The following GPR45 variants were observed in gnomAD, a reference collection of about 807,000 sequenced individuals.
GPR45 encodes the protein G protein-coupled receptor 45, also known as probable G protein-coupled receptor 45.
GPR45 carries 7 observed loss-of-function variants against 5.9 expected under a neutral mutation model. The observed-to-expected ratio is 1.19, with a 90% CI of 0.68 to 2.23. GPR45 has a LOEUF of 2.23. GPR45 is among the 30% of genes most tolerant of loss of function. The pLI, the probability that GPR45 is intolerant of heterozygous loss-of-function variation, is 0.00. For synonymous variants in GPR45, 220 were observed against 226.3 expected (o/e 0.97, Z 0.25); for missense variants, 440 against 496.9 (o/e 0.89, Z 1.09).
Position 105,242,602 on chromosome 2 carries a change from C to G in GPR45, c.744C>G (p.Arg248=). ...AGCTCACCAGGGCGGGCCTGCGGCG[C>G]CTGCAGCGGCAGCAACAGGTCAGCG... ...LRQLTRAGLR[R]LQRQQQVSVD... is the part of the protein sequence containing the mutation. Residue 248 remains arginine, a synonymous_variant, in exon 1 of 1, where the codon CGC becomes CGG. Coordinates refer to ENST00000258456, the MANE Select transcript of GPR45 (RefSeq NM_007227.3). This position sits in a 1 kb window ranked among gnomAD's most constrained non-coding sequence, Gnocchi z 4.8. 1 of 1,609,196 alleles carries G rather than the reference C, an allele frequency of 6.2e-7. No individual in the cohort carries two copies. Among genetic ancestry groups the G allele is most frequent in the African/African-American group, 1.3e-5 (1 of 74,998 alleles).
chr2:105,243,094 C>A lies in GPR45; in HGVS notation c.*117C>A. The A allele has an allele frequency of 1.5e-6, 2 of 1,302,386 alleles. No homozygotes were observed. The highest frequency in any genetic ancestry group is 2.1e-6 in the Non-Finnish European group (2 of 949,744). 80.7% of individuals were successfully genotyped at this position (1,302,386 alleles called of 1,614,324 possible). Reference sequence around the variant, plus strand: ...GCACTTTGTGGTGGCAATTTAAGCACAAAGGTACTCATTTGTAATCAGATG... The same window carrying A: ...GCACTTTGTGGTGGCAATTTAAGCAAAAAGGTACTCATTTGTAATCAGATG... On this transcript the variant is annotated 3_prime_UTR_variant, in exon 1 of 1. Coordinates refer to ENST00000258456, the MANE Select transcript of GPR45 (RefSeq NM_007227.3).
rs776540232 is a variant in GPR45 at position 105,242,350 on chromosome 2, G to T, written c.492G>T (p.Gly164=). The change falls in exon 1 of 1, where the codon GGG becomes GGT. Residue 164 remains glycine (G), a synonymous_variant. Coordinates refer to ENST00000258456, the MANE Select transcript of GPR45 (RefSeq NM_007227.3). This position sits in a 1 kb window ranked among gnomAD's most constrained non-coding sequence, Gnocchi z 4.8. Reference sequence around the variant, plus strand: ...GGGTGCTGTCCTTCTGCATCGCGGGGCCCTCGCTCACGGGCTGGACGCTGG... The same window carrying T: ...GGGTGCTGTCCTTCTGCATCGCGGGTCCCTCGCTCACGGGCTGGACGCTGG... ...VSWVLSFCIA[G]PSLTGWTLVE... 6 of 1,613,544 alleles carry T rather than the reference G, an allele frequency of 3.7e-6. No homozygotes were observed. In the South Asian group the frequency reaches 5.5e-5, roughly 15 times the overall value.
chr2:105,243,052 C>A lies in GPR45; in HGVS notation c.*75C>A. Reference sequence around the variant, plus strand: ...GGATCTGTCCTGCTCTGTTCCCTGGCATGTTGGTCATAGTCTGCACTTTGT... The same window carrying A: ...GGATCTGTCCTGCTCTGTTCCCTGGAATGTTGGTCATAGTCTGCACTTTGT... On this transcript the variant is annotated 3_prime_UTR_variant, in exon 1 of 1. Coordinates refer to ENST00000258456, the MANE Select transcript of GPR45 (RefSeq NM_007227.3). 1 of 1,514,890 alleles carries A rather than the reference C, an allele frequency of 6.6e-7. No individual in the cohort carries two copies. The allele number at this position is 1,514,890 out of a possible 1,614,324, so 93.8% of individuals were successfully genotyped here. A position where few individuals can be genotyped will look rare whatever the true frequency, so the allele number is the denominator to read the frequency against.
At position 105,242,634 on chromosome 2, in the gene GPR45, T is replaced by C. The variant is rs774366129; in HGVS notation, c.776T>C (p.Leu259Ser). Residue 259 changes from leucine (L) to serine (S), a missense_variant, in exon 1 of 1, where the codon TTG (leucine) becomes TCG (serine). Transcript: ENST00000258456. The surrounding 1 kb of genome is among the most constrained non-coding windows in gnomAD (Gnocchi z 4.8). ...CGGCAGCAACAGGTCAGCGTGGACT[T>C]GAGCTTCAAGACCAAGGCCTTCACC... ...LQRQQQVSVD[L>S]SFKTKAFTTI... 2 of 1,603,032 alleles carry C rather than the reference T, an allele frequency of 1.2e-6. No individual in the cohort carries two copies. The highest frequency in any genetic ancestry group is 3.4e-5 in the Admixed American group (2 of 59,572).
Position 105,242,645 on chromosome 2 carries a change from AC to A in GPR45, c.789del (p.Lys264ArgfsTer7), listed in dbSNP as rs1240039336. On this transcript the variant is annotated frameshift_variant, in exon 1 of 1. Transcript: ENST00000258456. LOFTEE classifies it high-confidence loss of function. This position sits in a 1 kb window ranked among gnomAD's most constrained non-coding sequence, Gnocchi z 4.8. ...QQVSVDLSFK[T>X]KAFTTILILF... ...GGTCAGCGTGGACTTGAGCTTCAAG[AC>A]CAAGGCCTTCACCACCATCCTGATC... 1 of 1,600,496 alleles carries A rather than the reference AC, an allele frequency of 6.2e-7. No individual in the cohort carries two copies. Among genetic ancestry groups the A allele is most frequent in the African/African-American group, 1.3e-5 (1 of 74,728 alleles).
Position 105,242,040 on chromosome 2 carries a change from A to G in GPR45, c.182A>G (p.Gln61Arg). Residue 61 changes from glutamine to arginine, a missense_variant, in exon 1 of 1, where the codon CAG becomes CGG. By Grantham distance (43) the Gln-to-Arg change is conservative. Coordinates refer to ENST00000258456, the MANE Select transcript of GPR45 (RefSeq NM_007227.3). This position sits in a 1 kb window ranked among gnomAD's most constrained non-coding sequence, Gnocchi z 4.8. ...GNTVVCIIVY[Q>R]RPAMRSAINL... ...ACTGTGGTCTGCATCATCGTGTACC[A>G]GAGGCCGGCTATGCGCTCGGCCATC... The G allele has an allele frequency of 6.2e-7, 1 of 1,614,132 alleles. No homozygotes were observed. Among genetic ancestry groups the G allele is most frequent in the Non-Finnish European group, 8.5e-7 (1 of 1,179,986 alleles).
At position 105,242,435 on chromosome 2, in the gene GPR45, C is replaced by G; in HGVS notation, c.577C>G (p.Arg193Gly). The G allele has an allele frequency of 6.2e-7, 1 of 1,609,614 alleles. No homozygotes were observed. Among genetic ancestry groups the G allele is most frequent in the Non-Finnish European group, 8.5e-7 (1 of 1,179,740 alleles). The change falls in exon 1 of 1, where the codon CGC becomes GGC. Residue 193 changes from arginine (R) to glycine (G), a missense_variant. Coordinates refer to ENST00000258456, the MANE Select transcript of GPR45 (RefSeq NM_007227.3). The surrounding 1 kb of genome is among the most constrained non-coding windows in gnomAD (Gnocchi z 4.8). ...VLGYTELPAD[R>G]AYVVTLVVAV... ...GGGCTACACGGAGCTCCCCGCTGACCGCGCCTACGTGGTCACCTTGGTGGT... is the reference window on the plus strand; with the variant it reads ...GGGCTACACGGAGCTCCCCGCTGACGGCGCCTACGTGGTCACCTTGGTGGT...
rs1375320359 is a variant in GPR45 at position 105,242,917 on chromosome 2, C to T, written c.1059C>T (p.Ile353=). 6.2e-7 allele frequency: 1 copy of T among 1,614,096 alleles called. No individual in the cohort carries two copies. Among genetic ancestry groups the T allele is most frequent in the African/African-American group, 1.3e-5 (1 of 74,938 alleles). Residue 353 remains isoleucine, a synonymous_variant, in exon 1 of 1, where the codon ATC becomes ATT. Transcript: ENST00000258456. The surrounding 1 kb of genome is among the most constrained non-coding windows in gnomAD (Gnocchi z 4.8). ...FQILPKVPER[I]RRRIQPSTVY... ...TCCTCCCCAAAGTGCCTGAGCGGAT[C>T]CGAAGGAGAATCCAGCCAAGCACAG...
At position 105,242,071 on chromosome 2, in the gene GPR45, G is replaced by A. The variant is rs748884384; in HGVS notation, c.213G>A (p.Leu71=). The change falls in exon 1 of 1, where the codon CTG becomes CTA. Residue 71 remains leucine, a synonymous_variant. Coordinates refer to ENST00000258456, the MANE Select transcript of GPR45 (RefSeq NM_007227.3). The surrounding 1 kb of genome is among the most constrained non-coding windows in gnomAD (Gnocchi z 4.8). ...QRPAMRSAIN[L]LLATLAFSDI... The stretch of plus-strand genomic sequence containing the variant: ...CGGCTATGCGCTCGGCCATCAACCT[G>A]CTGCTGGCCACCCTGGCCTTCTCCG... The A allele has an allele frequency of 5.6e-6, 9 of 1,614,078 alleles. No homozygotes were observed. The highest frequency in any genetic ancestry group is 8.5e-7 in the Non-Finnish European group (1 of 1,180,042).
rs772276043 is a variant in GPR45 at position 105,242,344 on chromosome 2, C to T, written c.486C>T (p.Ile162=). 2.5e-6 allele frequency: 4 copies of T among 1,613,656 alleles called. No individual in the cohort carries two copies. The highest frequency in any genetic ancestry group is 2.2e-5 in the South Asian group (2 of 91,070). The change falls in exon 1 of 1, where the codon ATC becomes ATT. Residue 162 remains isoleucine (I), a synonymous_variant. Coordinates refer to ENST00000258456, the MANE Select transcript of GPR45 (RefSeq NM_007227.3). This position sits in a 1 kb window ranked among gnomAD's most constrained non-coding sequence, Gnocchi z 4.8. The part of the protein sequence containing the change: ...IAVSWVLSFC[I]AGPSLTGWTL... ...TCTCCTGGGTGCTGTCCTTCTGCAT[C>T]GCGGGGCCCTCGCTCACGGGCTGGA...
In GPR45 at chr2:105,242,237, A is replaced by G. The variant is rs554225455; in HGVS notation, c.379A>G (p.Ile127Val). 1.9e-6 allele frequency: 3 copies of G among 1,614,132 alleles called. 1 individual carries two copies. In the East Asian group the frequency reaches 6.7e-5, roughly 36 times the overall value. The change falls in exon 1 of 1, where the codon ATC becomes GTC. Residue 127 changes from isoleucine to valine, a missense_variant. Ile to Val is a conservative substitution (Grantham distance 29). Coordinates refer to ENST00000258456, the MANE Select transcript of GPR45 (RefSeq NM_007227.3). This position sits in a 1 kb window ranked among gnomAD's most constrained non-coding sequence, Gnocchi z 4.8. ...CCTGGAGGGCGTGGCCATCCTGCTC[A>G]TCATCAGCGTGGACCGCTTCCTCAT... ...FVLEGVAILLIISVDRFLIIV... is the reference protein window; with the variant it reads ...FVLEGVAILLVISVDRFLIIV...
At position 105,242,770 on chromosome 2, in the gene GPR45, C is replaced by CA. The variant is rs1558799710; in HGVS notation, c.913dup (p.Thr305AsnfsTer47). The CA allele has an allele frequency of 6.2e-7, 1 of 1,614,234 alleles. No individual in the cohort carries two copies. Among genetic ancestry groups the CA allele is most frequent in the Non-Finnish European group, 8.5e-7 (1 of 1,180,040 alleles). ...TTTACTGCGGTTCCTCCTTCTACGC[C>CA]ACCAGCACCTGCGTCCTGTGGCTCA... On this transcript the variant is annotated frameshift_variant, in exon 1 of 1. Transcript: ENST00000258456. LOFTEE classifies it high-confidence loss of function. The surrounding 1 kb of genome is among the most constrained non-coding windows in gnomAD (Gnocchi z 4.8).
rs780688429 is a variant in GPR45, at chr2:105,242,940, C to T, written c.1082C>T (p.Thr361Ile). Reference protein sequence around the residue: ...ERIRRRIQPSTVYVCNENQSA... With the variant: ...ERIRRRIQPSIVYVCNENQSA... ...ATCCGAAGGAGAATCCAGCCAAGCA[C>T]AGTCTACGTGTGCAATGAAAACCAG... Residue 361 changes from threonine to isoleucine, a missense_variant, in exon 1 of 1, where the codon ACA becomes ATA. Coordinates refer to ENST00000258456, the MANE Select transcript of GPR45 (RefSeq NM_007227.3). This position sits in a 1 kb window ranked among gnomAD's most constrained non-coding sequence, Gnocchi z 4.8. 9.9e-6 allele frequency: 16 copies of T among 1,614,082 alleles called. No individual in the cohort carries two copies. In the African/African-American group the frequency reaches 1.2e-4, roughly 12 times the overall value.
In GPR45 at chr2:105,242,393, G is replaced by A. The variant is rs757225198; in HGVS notation, c.535G>A (p.Ala179Thr). Residue 179 changes from alanine to threonine, a missense_variant, in exon 1 of 1, where the codon GCC (alanine) becomes ACC (threonine). Transcript: ENST00000258456. This position sits in a 1 kb window ranked among gnomAD's most constrained non-coding sequence, Gnocchi z 4.8. Reference sequence around the variant, plus strand: ...GACGCTGGTGGAGGTGCCGGCGCGGGCCCCACAGTGCGTGCTGGGCTACAC... The same window carrying A: ...GACGCTGGTGGAGGTGCCGGCGCGGACCCCACAGTGCGTGCTGGGCTACAC... ...GWTLVEVPARAPQCVLGYTEL... is the reference protein window; with the variant it reads ...GWTLVEVPARTPQCVLGYTEL... The A allele has an allele frequency of 8.5e-5, 137 of 1,611,974 alleles. No homozygotes were observed. The highest frequency in any genetic ancestry group is 1.1e-4 in the Non-Finnish European group (128 of 1,179,568).
At position 105,243,407 on chromosome 2, in the gene GPR45, C is replaced by T. The variant is rs1418898928; in HGVS notation, c.*430C>T. Among the ~76,000 whole-genome samples, 1 of 152,074 alleles carries T rather than the reference C, an allele frequency of 6.6e-6. No homozygotes were observed. Among genetic ancestry groups the T allele is most frequent in the Non-Finnish European group, 1.5e-5 (1 of 68,000 alleles). On this transcript the variant is annotated 3_prime_UTR_variant, in exon 1 of 1. Coordinates refer to ENST00000258456, the MANE Select transcript of GPR45 (RefSeq NM_007227.3). ...TGAGAAACCCCAGTAGGTGTGAGCTCCTGGGTGTTCATTCATTTTGTTTGA... is the reference window on the plus strand; with the variant it reads ...TGAGAAACCCCAGTAGGTGTGAGCTTCTGGGTGTTCATTCATTTTGTTTGA...
chr2:105,241,984 G>C lies in GPR45; in HGVS notation c.126G>C (p.Leu42=). ...GGATCTCCTTGGCCATAGTGATGCT[G>C]CTGATGACCGTGGTGGGGTTCCTGG... ...PLRISLAIVM[L]LMTVVGFLGN... is the part of the protein sequence containing the mutation. The change falls in exon 1 of 1, where the codon CTG becomes CTC. Residue 42 remains leucine (L), a synonymous_variant. Coordinates refer to ENST00000258456, the MANE Select transcript of GPR45 (RefSeq NM_007227.3). 2 of 1,613,852 alleles carry C rather than the reference G, an allele frequency of 1.2e-6. No individual in the cohort carries two copies. The highest frequency in any genetic ancestry group is 1.7e-6 in the Non-Finnish European group (2 of 1,179,752).
chr2:105,242,263 C>T lies in GPR45; in HGVS notation c.405C>T (p.Ile135=). The T allele has an allele frequency of 6.2e-7, 1 of 1,614,172 alleles. No homozygotes were observed. The highest frequency in any genetic ancestry group is 1.1e-5 in the South Asian group (1 of 91,088). ...TCATCAGCGTGGACCGCTTCCTCAT[C>T]ATCGTCCAGCGCCAGGACAAGCTGA... ...LLIISVDRFL[I]IVQRQDKLNP... is the part of the protein sequence containing the mutation. The change falls in exon 1 of 1, where the codon ATC becomes ATT. Residue 135 remains isoleucine (I), a synonymous_variant. Coordinates refer to ENST00000258456, the MANE Select transcript of GPR45 (RefSeq NM_007227.3). This position sits in a 1 kb window ranked among gnomAD's most constrained non-coding sequence, Gnocchi z 4.8.
At position 105,242,388 on chromosome 2, in the gene GPR45, C is replaced by T. The variant is rs752768882; in HGVS notation, c.530C>T (p.Ala177Val). The change falls in exon 1 of 1, where the codon GCG (alanine) becomes GTG (valine). Residue 177 changes from alanine (A) to valine (V), a missense_variant. By Grantham distance (64) the Ala-to-Val change is moderately conservative. Transcript: ENST00000258456. The surrounding 1 kb of genome is among the most constrained non-coding windows in gnomAD (Gnocchi z 4.8). ...GGCTGGACGCTGGTGGAGGTGCCGG[C>T]GCGGGCCCCACAGTGCGTGCTGGGC... ...LTGWTLVEVP[A>V]RAPQCVLGYT... is the part of the protein sequence containing the mutation. 1.2e-6 allele frequency: 2 copies of T among 1,612,310 alleles called. No individual in the cohort carries two copies. Among genetic ancestry groups the T allele is most frequent in the Non-Finnish European group, 8.5e-7 (1 of 1,179,562 alleles).
rs1483000559 is a variant in GPR45, at chr2:105,242,295, G to A, written c.437G>A (p.Arg146His). The A allele has an allele frequency of 2.5e-6, 4 of 1,613,958 alleles. No individual in the cohort carries two copies. Among genetic ancestry groups the A allele is most frequent in the Non-Finnish European group, 3.4e-6 (4 of 1,180,036 alleles). Residue 146 changes from arginine (R) to histidine (H), a missense_variant, in exon 1 of 1, where the codon CGC becomes CAC. Coordinates refer to ENST00000258456, the MANE Select transcript of GPR45 (RefSeq NM_007227.3). The surrounding 1 kb of genome is among the most constrained non-coding windows in gnomAD (Gnocchi z 4.8). ...IVQRQDKLNP[R>H]RAKVIIAVSW... ...CAGCGCCAGGACAAGCTGAACCCGC[G>A]CAGGGCCAAGGTGATCATCGCGGTC...
Sources: gnomAD v4.1 joint callset for allele counts (sites outside exome capture counted in the v4.1 genomes callset) on GRCh38, gnomAD v4.1.1 for gene constraint, Gnocchi (gnomAD v3.1) non-coding constraint, MANE v1.5 for transcripts, NCBI Gene and HGNC (gene_info 2026-07-23, HGNC 2026-07-21) for gene names.